CNGB3: variants seen among roughly 807,000 people sequenced by gnomAD.
CNGB3 encodes the protein cyclic nucleotide gated channel subunit beta 3.
A neutral mutation model predicts 92.8 loss-of-function variants in CNGB3; 86 were observed. The observed-to-expected ratio is 0.93, with a 90% confidence interval of 0.78 to 1.11. CNGB3 has a LOEUF of 1.11. CNGB3 is among the 50% of genes least tolerant of loss of function. CNGB3 has a pLI of 0.00. For synonymous variants in CNGB3, 333 were observed against 332.7 expected, an observed-to-expected ratio of 1.00 and a Z score of -0.01; for missense variants, 1,026 against 956.8, an observed-to-expected ratio of 1.07 and a Z score of -0.95.
At chr8:86,639,845 G>A (rs909299293) in intron 10 of CNGB3, among the ~76,000 whole-genome samples, 4 of 152,080 alleles carry the variant, frequency 2.6e-5, no homozygotes, top group African/African-American at 7.2e-5. Flanking sequence ...TGGAGCTTTG[G>A]TTTTGAGTGA....
Position 86,647,829 on chromosome 8 carries a change from G to T in CNGB3, c.962C>A (p.Pro321Gln), listed in dbSNP as rs1310202108. The T allele has an allele frequency of 1.3e-6, 2 of 1,585,066 alleles. No homozygotes were observed. The highest frequency in any genetic ancestry group is 1.7e-6 in the Non-Finnish European group (2 of 1,154,832). The change falls in exon 8 of 18, where the codon CCA (proline) becomes CAA (glutamine). Residue 321 changes from proline to glutamine, a missense_variant. Coordinates refer to ENST00000320005, the MANE Select transcript of CNGB3 (RefSeq NM_019098.5). ...DICYLFFGFN[P>Q]MFRANRMLKY... The stretch of plus-strand genomic sequence containing the variant: ...TAACATCCTATTTGCTCTAAACATT[G>T]GATTAAACCCAAAGAAGAGGTAGCA...
intron 3 of CNGB3, among the ~76,000 whole-genome samples, chr8:86,700,995 T>C (rs315963): frequency 0.2 from 31,034 of 152,180 alleles, 3,372 homozygotes; most frequent in Middle Eastern, 0.37. Flanking sequence ...ATAATTATCA[T>C]GGTCCATATA....
chr8:86,642,857 C>T (rs377666216), intron 10 of CNGB3, among the ~76,000 whole-genome samples: 7 of 151,594 alleles, frequency 4.6e-5, no homozygotes, highest in African/African-American at 9.6e-5. Flanking sequence ...TTATGATCCT[C>T]GTTACTCTCT....
At chr8:86,667,473 G>A (rs938471170) in intron 5 of CNGB3, among the ~76,000 whole-genome samples, 1 of 152,210 alleles carries the variant, frequency 6.6e-6, no homozygotes, top group Non-Finnish European at 1.5e-5. Context: ...AGACATCACT[G>A]CAGCCACAGA....
chr8:86,691,919 T>A (rs1261913641), intron 3 of CNGB3, among the ~76,000 whole-genome samples: 2 of 152,160 alleles, frequency 1.3e-5, no homozygotes, highest in Non-Finnish European at 2.9e-5. Flanking sequence ...TTTTGATGGG[T>A]TATGTCACTA....
intron 15 of CNGB3, among the ~76,000 whole-genome samples, chr8:86,590,300 C>T (rs952287384): frequency 4.6e-5 from 7 of 151,892 alleles, no homozygotes; most frequent in African/African-American, 1.7e-4. Context: ...TCCAATTTGC[C>T]AGTCTGTGTC....
chr8:86,705,814 C>A (rs990939600), intron 3 of CNGB3, among the ~76,000 whole-genome samples: 2 of 152,156 alleles, frequency 1.3e-5, no homozygotes, highest in South Asian at 4.1e-4. Flanking sequence ...TTTGTATTTG[C>A]ACCAATGCAT....
intron 3 of CNGB3, among the ~76,000 whole-genome samples, chr8:86,678,998 C>T (rs1824029191): frequency 6.6e-6 from 1 of 152,030 alleles, no homozygotes; most frequent in Non-Finnish European, 1.5e-5. Context: ...AGAAAATTAA[C>T]AAGTAGGGTG....
rs77044748 is a variant in CNGB3 at position 86,606,554 on chromosome 8, C to G, written c.1663-2343G>C. On this transcript the variant is annotated intron_variant, in intron 14 of 17. Transcript: ENST00000320005. Reference sequence around the variant, plus strand: ...ATTTACATACTATTAATGCTAATAACAATATCATGTCTTTGCATATTACTT... The same window carrying G: ...ATTTACATACTATTAATGCTAATAAGAATATCATGTCTTTGCATATTACTT... 6.2e-3 allele frequency among the ~76,000 whole-genome samples: 943 copies of G among 152,300 alleles called. 9 individuals are homozygous for G. Among genetic ancestry groups the G allele is most frequent in the African/African-American group, 0.021 (889 of 41,564 alleles).
At chr8:86,583,341 T>C (rs1382460616) in intron 15 of CNGB3, among the ~76,000 whole-genome samples, 1 of 152,192 alleles carries the variant, frequency 6.6e-6, no homozygotes, top group African/African-American at 2.4e-5. Flanking sequence ...AAACATTCTG[T>C]TGTAAGGCAC....
intron 3 of CNGB3, among the ~76,000 whole-genome samples, chr8:86,703,706 G>A (rs1287523046): frequency 6.6e-6 from 1 of 152,156 alleles, no homozygotes; most frequent in Non-Finnish European, 1.5e-5. Flanking sequence ...GTGCTGGGGA[G>A]ACTATTGCAT....
In CNGB3 at chr8:86,575,828, T is replaced by A. The variant is rs1282814762; in HGVS notation, c.2406A>T (p.Glu802Asp). 7 of 1,613,926 alleles carry A rather than the reference T, an allele frequency of 4.3e-6. 1 individual carries two copies. The South Asian group carries it at 7.7e-5, about 18-fold the overall frequency. ...AEGGEEVLTIEVKEKAKQ is the reference protein window; with the variant it reads ...AEGGEEVLTIDVKEKAKQ ...TTTATTGCTTAGCCTTTTCTTTGAC[T>A]TCAATAGTAAGAACCTCTTCTCCGC... is the stretch of plus-strand genomic sequence containing the variant. The change falls in exon 18 of 18, where the codon GAA (glutamate) becomes GAT (aspartate). Residue 802 changes from glutamate to aspartate, a missense_variant. Coordinates refer to ENST00000320005, the MANE Select transcript of CNGB3 (RefSeq NM_019098.5).
intron 13 of CNGB3, among the ~76,000 whole-genome samples, chr8:86,621,870 C>T (rs1822738339): frequency 2.6e-5 from 4 of 152,246 alleles, no homozygotes; most frequent in African/African-American, 9.6e-5. Flanking sequence ...TAAGACCATC[C>T]TGGCCAACAT....
chr8:86,725,130 A>C (rs1429502171), intron 3 of CNGB3, among the ~76,000 whole-genome samples: 1 of 152,216 alleles, frequency 6.6e-6, no homozygotes, highest in African/African-American at 2.4e-5. Context: ...CAGTCCTTTG[A>C]AAATCTATCA....
rs370858784 is a variant in CNGB3 at position 86,611,547 on chromosome 8, G to A, written c.1662+41C>T. 6.1e-6 allele frequency: 9 copies of A among 1,468,016 alleles called. No homozygotes were observed. In the African/African-American group the frequency reaches 9.7e-5, roughly 16 times the overall value. 90.9% of individuals were successfully genotyped at this position (1,468,016 alleles called of 1,614,324 possible). On this transcript the variant is annotated intron_variant, in intron 14 of 17. Coordinates refer to ENST00000320005, the MANE Select transcript of CNGB3 (RefSeq NM_019098.5). ...TGACTTATGTCCGAAATCCTCAAAT[G>A]CATTTATTAGTTGTGCATTTGAAAA...
chr8:86,604,448 C>G (rs1442985778), intron 14 of CNGB3, among the ~76,000 whole-genome samples: 5 of 152,006 alleles, frequency 3.3e-5, no homozygotes, highest in African/African-American at 1.2e-4. Context: ...TGTTTGCCTC[C>G]CTTGGATACA....
At position 86,645,788 on chromosome 8, in the gene CNGB3, A is replaced by T. The variant is rs73690971; in HGVS notation, c.991-1102T>A. Among the ~76,000 whole-genome samples the T allele has an allele frequency of 4.2e-3, 641 of 151,372 alleles. 5 individuals carry two copies. The highest frequency in any genetic ancestry group is 0.015 in the African/African-American group (613 of 41,468). Reference sequence around the variant, plus strand: ...GTAATTTGTTTATTGTGCTCTTAATACAAGTTTGCACAAAGGCATGATTTT... The same window carrying T: ...GTAATTTGTTTATTGTGCTCTTAATTCAAGTTTGCACAAAGGCATGATTTT... On this transcript the variant is annotated intron_variant, in intron 8 of 17. Coordinates refer to ENST00000320005, the MANE Select transcript of CNGB3 (RefSeq NM_019098.5).
At chr8:86,627,340 C>G (rs919875761) in intron 12 of CNGB3, among the ~76,000 whole-genome samples, 4 of 152,106 alleles carry the variant, frequency 2.6e-5, no homozygotes, top group Non-Finnish European at 5.9e-5. Context: ...TCTGCCTGCC[C>G]ACTTCAGATG....
chr8:86,711,816 ACTCTCT>A (rs200870640), intron 3 of CNGB3, among the ~76,000 whole-genome samples: 57 of 143,628 alleles, frequency 4.0e-4, no homozygotes, highest in East Asian at 1.2e-3. Flanking sequence ...GTAGTTTACC[ACTCTCT>A]CTCTCTCTCT....
Sources: allele counts gnomAD v4.1 joint callset (sites outside exome capture counted in the v4.1 genomes callset), GRCh38; gene constraint gnomAD v4.1.1; transcripts MANE v1.5; gene names NCBI Gene and HGNC (gene_info 2026-07-23, HGNC 2026-07-21).